UGGT1: variants seen among roughly 807,000 people sequenced by gnomAD.
The protein encoded by UGGT1 is UDP-glucose glycoprotein glucosyltransferase 1.
Under a neutral mutation model 203.9 loss-of-function variants are expected in UGGT1, and 107 were observed. The ratio of observed to expected loss-of-function variants is 0.52; its 90% CI spans 0.45 to 0.62. The LOEUF is 0.62. Ranked by LOEUF, UGGT1 falls within the 20% of genes least tolerant of loss-of-function variation. The probability of loss-of-function intolerance (pLI) is 0.00; values close to 1 mark genes in which losing one functional copy is unlikely to be tolerated. For missense variants in UGGT1, 1,673 were observed against 1,867.2 expected (o/e 0.90, Z 1.92); for synonymous variants, 628 against 653.5 (o/e 0.96, Z 0.59).
At chr2:128,101,484 G>A (rs1399859248) in intron 2 of UGGT1, among the ~76,000 whole-genome samples, 1 of 152,146 alleles carries the variant, frequency 6.6e-6, no homozygotes, top group Non-Finnish European at 1.5e-5. Context: ...GTTTTCTGCA[G>A]CTGTAGCTAC....
intron 14 of UGGT1, among the ~76,000 whole-genome samples, chr2:128,134,234 C>T (rs984799300): frequency 6.6e-6 from 1 of 152,154 alleles, no homozygotes; most frequent in Non-Finnish European, 1.5e-5. Context: ...CGGGGTTTCA[C>T]TACATTGGCT....
intron 18 of UGGT1, among the ~76,000 whole-genome samples, chr2:128,152,038 A>G (rs1326232289): frequency 6.6e-6 from 1 of 152,256 alleles, no homozygotes; most frequent in Non-Finnish European, 1.5e-5. Context: ...GGGAAGAATA[A>G]ATGACAATGA....
rs529012086 is a variant in UGGT1 at position 128,091,722 on chromosome 2, A to G, written c.58+307A>G. 42 of 614,878 alleles carry G rather than the reference A, an allele frequency of 6.8e-5. No homozygotes were observed. In the African/African-American group the frequency reaches 7.5e-4, roughly 11 times the overall value. The allele number at this position is 614,878 out of a possible 1,614,324, so 38.1% of individuals were successfully genotyped here. ...AGGTATCCTACCATGGATTTAGACC[A>G]AGCTTGATCCTCAGTGAGTTGAGAA... On this transcript the variant is annotated intron_variant, in intron 1 of 40. Coordinates refer to ENST00000259253, the MANE Select transcript of UGGT1 (RefSeq NM_020120.4).
intron 28 of UGGT1, 149 bp downstream of exon 28, chr2:128,171,433 C>A (rs980933126): frequency 4.1e-6 from 3 of 728,320 alleles, no homozygotes; most frequent in Non-Finnish European, 6.7e-6. Context: ...AAATTTCATT[C>A]TAATCAGAAG....
At chr2:128,141,158 T>C (rs1689403723) in intron 16 of UGGT1, among the ~76,000 whole-genome samples, 2 of 152,022 alleles carry the variant, frequency 1.3e-5, no homozygotes, top group East Asian at 2.0e-4. Flanking sequence ...ACCCCGTTTC[T>C]ACTAAAAATA....
chr2:128,096,421 G>A (rs1038576850), intron 1 of UGGT1, among the ~76,000 whole-genome samples: 10 of 152,166 alleles, frequency 6.6e-5, no homozygotes, highest in East Asian at 1.9e-4. Flanking sequence ...CCACGTTCCC[G>A]CTGAAATCTT....
At chr2:128,096,832 A>C (rs73957665) in intron 1 of UGGT1, among the ~76,000 whole-genome samples, 3 of 152,144 alleles carry the variant, frequency 2.0e-5, no homozygotes, top group Admixed American at 2.0e-4. Flanking sequence ...CTGGTGTGCC[A>C]CCAACTGATT....
In UGGT1 at chr2:128,124,221, C is replaced by T. The variant is rs184245852; in HGVS notation, c.1134+975C>T. Among the ~76,000 whole-genome samples, 372 of 152,336 alleles carry T rather than the reference C, an allele frequency of 2.4e-3. 1 individual carries two copies. The highest frequency in any genetic ancestry group is 0.014 in the Middle Eastern group (4 of 294). ...TCGGCCTCCCAAAGTGCTGGGATTA[C>T]AGGCATGAGCCACCGCGCCCAGCCA... On this transcript the variant is annotated intron_variant, in intron 11 of 40. Transcript: ENST00000259253.
At chr2:128,134,475 C>T (rs573454381) in intron 14 of UGGT1, among the ~76,000 whole-genome samples, 1 of 152,318 alleles carries the variant, frequency 6.6e-6, no homozygotes, top group Admixed American at 6.5e-5. Flanking sequence ...TATATGCTTG[C>T]CTGACAGCTG....
chr2:128,126,297 G>A (rs960041142), intron 11 of UGGT1, among the ~76,000 whole-genome samples: 3 of 151,570 alleles, frequency 2.0e-5, no homozygotes, highest in African/African-American at 7.3e-5. Flanking sequence ...GCTGAATGCA[G>A]TGGCATGATC....
At chr2:128,125,157 G>A (rs867298895) in intron 11 of UGGT1, among the ~76,000 whole-genome samples, 4 of 152,126 alleles carry the variant, frequency 2.6e-5, no homozygotes, top group Non-Finnish European at 4.4e-5. Context: ...AGAGCGTTTG[G>A]TGACTTGCCT....
At chr2:128,159,117 T>G (rs1419136059) in intron 22 of UGGT1, among the ~76,000 whole-genome samples, 1 of 133,208 alleles carries the variant, frequency 7.5e-6, no homozygotes, top group Non-Finnish European at 1.6e-5. Flanking sequence ...TTTTTTTTAA[T>G]GAGACGGAGT....
chr2:128,131,431 G>C (rs1688873249), intron 13 of UGGT1, among the ~76,000 whole-genome samples: 1 of 152,062 alleles, frequency 6.6e-6, no homozygotes, highest in Non-Finnish European at 1.5e-5. Flanking sequence ...TTAAACTCCT[G>C]TGTTTGAGAG....
At position 128,186,562 on chromosome 2, in the gene UGGT1, G is replaced by A. The variant is rs572986320; in HGVS notation, c.4360-121G>A. 2.9e-4 allele frequency: 198 copies of A among 677,042 alleles called. 3 individuals carry two copies. The South Asian group carries it at 3.9e-3, about 13-fold the overall frequency. The allele number at this position is 677,042 out of a possible 1,614,324, so 41.9% of individuals were successfully genotyped here. ...GTGGAGGCTGCAGTGAGCCGAGATC[G>A]TACTACTGCACTCCAACCTGGGTGA... On this transcript the variant is annotated intron_variant, in intron 38 of 40. Coordinates refer to ENST00000259253, the MANE Select transcript of UGGT1 (RefSeq NM_020120.4).
intron 31 of UGGT1, 149 bp from the exon 32 acceptor site, chr2:128,176,665 G>A: frequency 1.4e-6 from 1 of 737,980 alleles, no homozygotes; most frequent in East Asian, 2.5e-5. Flanking sequence ...ACGTGCTTCT[G>A]TGCAGCTCGA....
rs958150593 is a variant in UGGT1 at position 128,178,709 on chromosome 2, A to G, written c.3815+140A>G. 5 of 729,360 alleles carry G rather than the reference A, an allele frequency of 6.9e-6. No homozygotes were observed. The South Asian group carries it at 7.5e-5, about 11-fold the overall frequency. The allele number at this position is 729,360 out of a possible 1,614,324, so 45.2% of individuals were successfully genotyped here. On this transcript the variant is annotated intron_variant, in intron 34 of 40. Coordinates refer to ENST00000259253, the MANE Select transcript of UGGT1 (RefSeq NM_020120.4). ...CTCTGAGCATTGTGACTGGCTTGCC[A>G]TTTATCATTGGATTTGTTTTGATCC...
rs1687682864 is a variant in UGGT1 at position 128,108,072 on chromosome 2, G to C, written c.408+4G>C. On this transcript the variant is annotated splice_donor_region_variant and intron_variant, in intron 4 of 40. Coordinates refer to ENST00000259253, the MANE Select transcript of UGGT1 (RefSeq NM_020120.4). ...TACAATCCAAGCCTTCCAGCAGGTGGGTCCAGTGCTCTTAAAGAACAGCAT... is the reference window on the plus strand; with the variant it reads ...TACAATCCAAGCCTTCCAGCAGGTGCGTCCAGTGCTCTTAAAGAACAGCAT... The C allele has an allele frequency of 6.2e-7, 1 of 1,613,826 alleles. No individual in the cohort carries two copies. The highest frequency in any genetic ancestry group is 8.5e-7 in the Non-Finnish European group (1 of 1,179,974).
In UGGT1 at chr2:128,091,326, T is replaced by C; in HGVS notation, c.-32T>C. ...CCCCGCCCTGCCCTGGCGTTGTCTC[T>C]GGCACTGTGGCGGACTGACCACGGC... is the stretch of plus-strand genomic sequence containing the variant. On this transcript the variant is annotated 5_prime_UTR_variant, in exon 1 of 41. Coordinates refer to ENST00000259253, the MANE Select transcript of UGGT1 (RefSeq NM_020120.4). The C allele has an allele frequency of 6.5e-7, 1 of 1,545,106 alleles. No homozygotes were observed. Among genetic ancestry groups the C allele is most frequent in the Non-Finnish European group, 8.7e-7 (1 of 1,144,782 alleles).
At chr2:128,159,796 C>T (rs1039113846) in intron 23 of UGGT1, 76 bp downstream of exon 23, 21 of 1,418,616 alleles carry the variant, frequency 1.5e-5, no homozygotes, top group African/African-American at 8.6e-5. Flanking sequence ...CTTACGTGTC[C>T]GGTTCATGAT....
Sources: allele counts gnomAD v4.1 joint callset (sites outside exome capture counted in the v4.1 genomes callset), GRCh38; gene constraint gnomAD v4.1.1; transcripts MANE v1.5; gene names NCBI Gene and HGNC (gene_info 2026-07-23, HGNC 2026-07-21).